Variants in PPARGC1A observed in about 807,000 individuals in gnomAD.
PPARGC1A encodes PPARG coactivator 1 alpha.
A neutral mutation model predicts 88.7 loss-of-function variants in PPARGC1A; 25 were observed. The observed-to-expected ratio is 0.28, with a 90% confidence interval of 0.21 to 0.39. The LOEUF is 0.39. PPARGC1A is among the 10% of genes least tolerant of loss of function. The pLI, the probability that PPARGC1A is intolerant of heterozygous loss-of-function variation, is 1.00. For synonymous variants in PPARGC1A, 363 were observed against 355.6 expected (o/e 1.02, Z -0.24); for missense variants, 880 against 968.7 (o/e 0.91, Z 1.22).
At chr4:24,236,308 T>C in the PPARGC1A span, among the ~76,000 whole-genome samples, 1 of 152,176 alleles carries the variant, frequency 6.6e-6, no homozygotes, top group African/African-American at 2.4e-5. Context: ...ATGTATTCTC[T>C]TGTGGGCTTG....
chr4:24,421,714 G>A, the PPARGC1A span, among the ~76,000 whole-genome samples: 7 of 152,116 alleles, frequency 4.6e-5, no homozygotes, highest in Non-Finnish European at 7.4e-5. Context: ...TCCATGATGC[G>A]TACCTGTCAG....
chr4:23,901,552 A>G (rs1486068094), upstream of PPARGC1A, among the ~76,000 whole-genome samples: 1 of 151,660 alleles, frequency 6.6e-6, no homozygotes, highest in Non-Finnish European at 1.5e-5. Context: ...TCAAAAAAAA[A>G]AAAAAGAAAA....
At chr4:24,192,727 G>A in the PPARGC1A span, among the ~76,000 whole-genome samples, 2 of 152,166 alleles carry the variant, frequency 1.3e-5, no homozygotes, top group South Asian at 2.1e-4. Context: ...CAGGAAATTT[G>A]GGAGACATTA....
At chr4:23,861,251 C>T (rs985792560) in intron 2 of PPARGC1A, among the ~76,000 whole-genome samples, 3 of 152,126 alleles carry the variant, frequency 2.0e-5, no homozygotes, top group Non-Finnish European at 2.9e-5. Context: ...CTGTATTATT[C>T]GAAACAAAGA....
At chr4:24,378,085 C>T in the PPARGC1A span, among the ~76,000 whole-genome samples, 1 of 152,186 alleles carries the variant, frequency 6.6e-6, no homozygotes, top group African/African-American at 2.4e-5. Flanking sequence ...ACCTGTAATA[C>T]CAGCACTTTG....
At chr4:24,225,861 T>C in the PPARGC1A span, among the ~76,000 whole-genome samples, 1 of 152,260 alleles carries the variant, frequency 6.6e-6, no homozygotes, top group African/African-American at 2.4e-5. Context: ...TTAGGTGGAA[T>C]GAATATCTGT....
the PPARGC1A span, among the ~76,000 whole-genome samples, chr4:24,350,870 T>C: frequency 6.6e-6 from 1 of 152,166 alleles, no homozygotes; most frequent in Non-Finnish European, 1.5e-5. Context: ...TGGCTCACAC[T>C]TGTAATCCCA....
At chr4:23,949,763 C>A in the PPARGC1A span, among the ~76,000 whole-genome samples, 1 of 152,204 alleles carries the variant, frequency 6.6e-6, no homozygotes, top group East Asian at 1.9e-4. Flanking sequence ...CCACCCCTTC[C>A]CCCACAATCT....
At chr4:24,376,647 A>C in the PPARGC1A span, among the ~76,000 whole-genome samples, 2 of 152,246 alleles carry the variant, frequency 1.3e-5, no homozygotes, top group African/African-American at 4.8e-5. Context: ...CTAAAGGTCA[A>C]TGTTCTAGAA....
chr4:24,020,918 A>G, the PPARGC1A span, among the ~76,000 whole-genome samples: 1 of 152,178 alleles, frequency 6.6e-6, no homozygotes, highest in Non-Finnish European at 1.5e-5. Context: ...TGCTGTTACG[A>G]GTTAAAACCC....
the PPARGC1A span, among the ~76,000 whole-genome samples, chr4:23,934,273 G>A: frequency 2.0e-5 from 3 of 152,164 alleles, no homozygotes; most frequent in Non-Finnish European, 4.4e-5. Flanking sequence ...ACAAGGGGAC[G>A]TCACTGGATC....
At chr4:23,989,764 A>G in the PPARGC1A span, among the ~76,000 whole-genome samples, 2 of 151,808 alleles carry the variant, frequency 1.3e-5, no homozygotes, top group Non-Finnish European at 2.9e-5. Context: ...CTGACTCCCC[A>G]TATCATGAAC....
At chr4:24,430,723 G>A in the PPARGC1A span, among the ~76,000 whole-genome samples, 2 of 152,078 alleles carry the variant, frequency 1.3e-5, no homozygotes, top group South Asian at 4.1e-4. Flanking sequence ...CAAGGTGAAA[G>A]GGGAACTGAA....
the PPARGC1A span, among the ~76,000 whole-genome samples, chr4:24,335,704 T>G: frequency 6.6e-6 from 1 of 152,082 alleles, no homozygotes; most frequent in Admixed American, 6.6e-5. Context: ...AACAAAGTGT[T>G]TGGGTCTAGA....
At chr4:24,030,965 G>C in the PPARGC1A span, among the ~76,000 whole-genome samples, 3 of 152,144 alleles carry the variant, frequency 2.0e-5, no homozygotes, top group African/African-American at 4.8e-5. Context: ...CAGGGAAGCA[G>C]ACAGATATGC....
At chr4:24,052,653 A>T in the PPARGC1A span, among the ~76,000 whole-genome samples, 3,194 of 150,934 alleles carry the variant, frequency 0.021, 119 homozygotes, top group African/African-American at 0.074. Context: ...AAAAAAAAAA[A>T]ATATTCCCTG....
chr4:24,147,520 T>C, the PPARGC1A span, among the ~76,000 whole-genome samples: 115 of 152,252 alleles, frequency 7.6e-4, no homozygotes, highest in African/African-American at 2.5e-3. Context: ...CCTGAATTAC[T>C]CTATCACCCT....
chr4:23,904,378 T>C (rs1226962321), upstream of PPARGC1A, among the ~76,000 whole-genome samples: 2 of 152,142 alleles, frequency 1.3e-5, no homozygotes, highest in Non-Finnish European at 2.9e-5. Flanking sequence ...AGTACTGTAA[T>C]TTTTCCTTGG....
At chr4:24,103,513 C>T in the PPARGC1A span, among the ~76,000 whole-genome samples, 24 of 146,678 alleles carry the variant, frequency 1.6e-4, no homozygotes, top group Non-Finnish European at 3.1e-4. Context: ...ACAGCTGCTG[C>T]AAGAAGCACT....
Sources: allele counts gnomAD v4.1 joint callset (sites outside exome capture counted in the v4.1 genomes callset), GRCh38; gene constraint gnomAD v4.1.1; transcripts MANE v1.5; gene names NCBI Gene and HGNC (gene_info 2026-07-23, HGNC 2026-07-21).